Variants in MYO10 observed in about 807,000 individuals in gnomAD.
MYO10 encodes unconventional myosin-X.
MYO10 carries 133 observed loss-of-function variants against 257.3 expected under a neutral mutation model. The observed-to-expected ratio is 0.52, with a 90% CI of 0.45 to 0.60. MYO10 has a LOEUF of 0.60. MYO10 is among the 20% of genes least tolerant of loss of function. The pLI is 0.00. For synonymous variants in MYO10, 1,104 were observed against 1,028.6 expected, an observed-to-expected ratio of 1.07 and a Z score of -1.40; for missense variants, 2,399 against 2,635.7, an observed-to-expected ratio of 0.91 and a Z score of 1.97.
At chr5:16,829,368 T>C (rs961731658) in intron 2 of MYO10, among the ~76,000 whole-genome samples, 12 of 151,578 alleles carry the variant, frequency 7.9e-5, no homozygotes, top group African/African-American at 2.7e-4. Flanking sequence ...CGAGACTTTC[T>C]AGAGACAAGA....
intron 9 of MYO10, among the ~76,000 whole-genome samples, chr5:16,774,963 T>C (rs1297879702): frequency 6.8e-6 from 1 of 147,292 alleles, no homozygotes; most frequent in East Asian, 1.9e-4. Flanking sequence ...AAGGTCCATA[T>C]GGTCAGGAAA....
chr5:16,914,813 GAGA>G (rs1162645797), intron 1 of MYO10, among the ~76,000 whole-genome samples: 1 of 152,226 alleles, frequency 6.6e-6, no homozygotes, highest in Non-Finnish European at 1.5e-5. Context: ...CAACTTGTAA[GAGA>G]AGAAATGAAC....
At chr5:16,893,573 G>GC (rs1387873626) in intron 1 of MYO10, among the ~76,000 whole-genome samples, 5 of 150,142 alleles carry the variant, frequency 3.3e-5, no homozygotes, top group African/African-American at 1.2e-4. Context: ...GGCAGAGGTT[G>GC]CGGTGAGCTG....
intron 3 of MYO10, 98 bp downstream of exon 3, chr5:16,817,911 C>T: frequency 1.2e-5 from 13 of 1,065,574 alleles, no homozygotes; most frequent in African/African-American, 1.6e-5. Context: ...CTTAGATTAA[C>T]AAGAATTCTC....
intron 33 of MYO10, 128 bp downstream of exon 33, chr5:16,679,819 C>CG: frequency 7.7e-7 from 1 of 1,294,794 alleles, no homozygotes; most frequent in Non-Finnish European, 1.0e-6. Context: ...GCCACCGTGC[C>CG]GGCCAACCAA....
intron 19 of MYO10, among the ~76,000 whole-genome samples, chr5:16,741,478 AAC>A: frequency 6.6e-6 from 1 of 152,254 alleles, no homozygotes; most frequent in East Asian, 1.9e-4. Flanking sequence ...AAAAAATTCA[AAC>A]AAAAGAAACC....
intron 3 of MYO10, among the ~76,000 whole-genome samples, chr5:16,795,690 G>T (rs1302419177): frequency 6.6e-6 from 1 of 151,784 alleles, no homozygotes; most frequent in Non-Finnish European, 1.5e-5. Flanking sequence ...AATTTTTTTT[G>T]TAGAGACATG....
intron 3 of MYO10, among the ~76,000 whole-genome samples, chr5:16,796,170 C>A (rs1580000507): frequency 8.2e-6 from 1 of 122,114 alleles, no homozygotes; most frequent in Non-Finnish European, 1.6e-5. Flanking sequence ...ACCTGGGCGA[C>A]AGAGCGAGAC....
At chr5:16,698,064 CAATTAAAT>C (rs1445133114) in intron 26 of MYO10, among the ~76,000 whole-genome samples, 1 of 152,176 alleles carries the variant, frequency 6.6e-6, no homozygotes, top group African/African-American at 2.4e-5. Context: ...TATGAGGTCC[CAATTAAAT>C]AATTAAATAA....
chr5:16,919,782 GC>G (rs1685815427), intron 1 of MYO10, among the ~76,000 whole-genome samples: 1 of 152,078 alleles, frequency 6.6e-6, no homozygotes, highest in Non-Finnish European at 1.5e-5. Flanking sequence ...TTTGAGACCA[GC>G]CTGGCCAACA....
intron 1 of MYO10, among the ~76,000 whole-genome samples, chr5:16,928,903 G>A (rs1347188635): frequency 4.0e-5 from 6 of 151,230 alleles, no homozygotes; most frequent in South Asian, 2.1e-4. Flanking sequence ...AACAGAAGGC[G>A]CTTGGCTTTC....
intron 1 of MYO10, among the ~76,000 whole-genome samples, chr5:16,891,152 G>A (rs1041545534): frequency 6.6e-6 from 1 of 151,628 alleles, no homozygotes; most frequent in African/African-American, 2.4e-5. Flanking sequence ...AGCCAGGCGC[G>A]GTAGCAGGTG....
chr5:16,858,459 T>G (rs1241277745), intron 2 of MYO10, among the ~76,000 whole-genome samples: 1 of 124,918 alleles, frequency 8.0e-6, no homozygotes. Context: ...AAAAAAAAAA[T>G]CGAGGTTTAA....
At chr5:16,875,991 T>C (rs1488872156) in intron 2 of MYO10, among the ~76,000 whole-genome samples, 2 of 152,052 alleles carry the variant, frequency 1.3e-5, no homozygotes, top group South Asian at 2.1e-4. Flanking sequence ...CAGGCACCTG[T>C]AATGTCAGCT....
At chr5:16,819,195 A>G (rs1252000352) in intron 2 of MYO10, among the ~76,000 whole-genome samples, 2 of 152,186 alleles carry the variant, frequency 1.3e-5, no homozygotes, top group South Asian at 4.2e-4. Context: ...GATTTAAAAT[A>G]AAATTGGTTT....
chr5:16,717,329 A>T (rs1738917513), intron 19 of MYO10, among the ~76,000 whole-genome samples: 1 of 152,208 alleles, frequency 6.6e-6, no homozygotes, highest in African/African-American at 2.4e-5. Context: ...TTTAGGGAAA[A>T]GATTAAGTGG....
intron 4 of MYO10, among the ~76,000 whole-genome samples, chr5:16,784,342 G>A (rs990136034): frequency 2.0e-5 from 3 of 152,236 alleles, no homozygotes; most frequent in Admixed American, 6.5e-5. Context: ...GGGTGGTGAT[G>A]ACCTCATCAA....
rs549140991 is a variant in MYO10 at position 16,839,225 on chromosome 5, T to A, written c.121-21058A>T. Among the ~76,000 whole-genome samples the A allele has an allele frequency of 2.0e-5, 3 of 152,272 alleles. No homozygotes were observed. The East Asian group carries it at 5.8e-4, about 29-fold the overall frequency. ...ACATTGAAAACCTTCTGGAAAGGATTCACCATTCTAGATGCCATCAAGAAC... is the reference window on the plus strand; with the variant it reads ...ACATTGAAAACCTTCTGGAAAGGATACACCATTCTAGATGCCATCAAGAAC... On this transcript the variant is annotated intron_variant, in intron 2 of 40. Coordinates refer to ENST00000513610, the MANE Select transcript of MYO10 (RefSeq NM_012334.3).
intron 2 of MYO10, among the ~76,000 whole-genome samples, chr5:16,834,033 T>C (rs1179419665): frequency 1.3e-5 from 2 of 152,218 alleles, no homozygotes; most frequent in African/African-American, 4.8e-5. Context: ...GAACGCCCCA[T>C]TGTTTCACCT....
Sources: allele counts gnomAD v4.1 joint callset (sites outside exome capture counted in the v4.1 genomes callset), GRCh38; gene constraint gnomAD v4.1.1; transcripts MANE v1.5; gene names NCBI Gene and HGNC (gene_info 2026-07-23, HGNC 2026-07-21).